The following ADGRL3 variants were observed in gnomAD, a reference collection of about 807,000 sequenced individuals.
The protein encoded by ADGRL3 is calcium-independent alpha-latrotoxin receptor 3.
In ADGRL3, 62 loss-of-function variants were observed where a neutral mutation model predicts 153.5. The ratio of observed to expected loss-of-function variants is 0.40; its 90% CI spans 0.33 to 0.50. The LOEUF (loss-of-function observed/expected upper bound fraction) is 0.50. Among genes scored for constraint, ADGRL3 ranks in the 20% least tolerant of loss-of-function variants. The pLI is 0.47. For synonymous variants in ADGRL3, 710 were observed against 672.5 expected (o/e 1.06, Z -0.86); for missense variants, 1,641 against 1,859.4 (o/e 0.88, Z 2.16).
intron 8 of ADGRL3, among the ~76,000 whole-genome samples, chr4:61,798,196 G>A (rs138353422): frequency 1.2e-3 from 175 of 152,170 alleles, no homozygotes; most frequent in African/African-American, 4.2e-3. Context: ...TAATAAAATA[G>A]CAAGGGGTAA....
chr4:61,464,523 C>G (rs1044471463), intron 2 of ADGRL3, among the ~76,000 whole-genome samples: 17 of 152,052 alleles, frequency 1.1e-4, no homozygotes, highest in Non-Finnish European at 1.8e-4. Context: ...CCAGAAATCT[C>G]TTGCATTTAA....
At chr4:61,571,734 C>T (rs189955448) in intron 4 of ADGRL3, among the ~76,000 whole-genome samples, 1 of 152,174 alleles carries the variant, frequency 6.6e-6, no homozygotes, top group Non-Finnish European at 1.5e-5. Flanking sequence ...AGAACATTGA[C>T]TAATCATTTA....
intron 1 of ADGRL3, among the ~76,000 whole-genome samples, chr4:61,377,376 C>T (rs946003975): frequency 2.0e-5 from 3 of 152,018 alleles, no homozygotes; most frequent in Non-Finnish European, 4.4e-5. Context: ...AATATATTGA[C>T]TAAGGTTTGA....
intron 3 of ADGRL3, among the ~76,000 whole-genome samples, chr4:61,516,955 A>G (rs182016602): frequency 6.6e-6 from 1 of 152,226 alleles, no homozygotes; most frequent in African/African-American, 2.4e-5. Context: ...AGTGCCCTTA[A>G]TTTACATTAG....
intron 12 of ADGRL3, among the ~76,000 whole-genome samples, chr4:61,911,418 G>A (rs2098721224): frequency 6.6e-6 from 1 of 152,106 alleles, no homozygotes; most frequent in African/African-American, 2.4e-5. Context: ...CTTTTCAGTT[G>A]TTTATATAAT....
chr4:61,336,527 G>C (rs2095678155), intron 1 of ADGRL3, among the ~76,000 whole-genome samples: 1 of 152,142 alleles, frequency 6.6e-6, no homozygotes, highest in African/African-American at 2.4e-5. Context: ...CTAAAAAGCA[G>C]TCAAGAGCAT....
chr4:61,923,426 ACT>A (rs1042142541), intron 13 of ADGRL3, among the ~76,000 whole-genome samples: 7 of 151,792 alleles, frequency 4.6e-5, no homozygotes, highest in Admixed American at 4.6e-4. Context: ...CCTGTCCCTT[ACT>A]CTCTTTTGCC....
chr4:62,058,719 G>A (rs1738431814), intron 25 of ADGRL3, among the ~76,000 whole-genome samples: 1 of 152,124 alleles, frequency 6.6e-6, no homozygotes, highest in African/African-American at 2.4e-5. Flanking sequence ...GTGACAGATG[G>A]TCTGTAAACA....
At chr4:61,905,560 A>C (rs6551670) in intron 11 of ADGRL3, among the ~76,000 whole-genome samples, 100,823 of 151,866 alleles carry the variant, frequency 0.66, 33,867 homozygotes, top group Non-Finnish European at 0.72. Context: ...TATTTTACAA[A>C]TTTATTATAC....
At chr4:61,606,505 T>C (rs1457146414) in intron 5 of ADGRL3, among the ~76,000 whole-genome samples, 1 of 152,202 alleles carries the variant, frequency 6.6e-6, no homozygotes, top group Non-Finnish European at 1.5e-5. Context: ...TGTCCTTACT[T>C]GGCCTTTTCT....
At chr4:61,505,634 A>G (rs1033226055) in intron 3 of ADGRL3, among the ~76,000 whole-genome samples, 15 of 151,990 alleles carry the variant, frequency 9.9e-5, no homozygotes, top group Non-Finnish European at 1.9e-4. Context: ...ATATTTTTAT[A>G]TCTTTGTTCA....
chr4:61,566,439 A>G (rs574098370), intron 4 of ADGRL3, among the ~76,000 whole-genome samples: 1 of 152,266 alleles, frequency 6.6e-6, no homozygotes, highest in African/African-American at 2.4e-5. Context: ...AGAAACTTGG[A>G]GGGAGTGGGT....
At chr4:61,234,329 A>G (rs1751962230) in intron 1 of ADGRL3, among the ~76,000 whole-genome samples, 3 of 152,262 alleles carry the variant, frequency 2.0e-5, no homozygotes, top group South Asian at 2.1e-4. Flanking sequence ...TGATAAACCC[A>G]TCCGGTCTCG....
intron 2 of ADGRL3, among the ~76,000 whole-genome samples, chr4:61,422,882 G>A (rs1029554222): frequency 6.6e-6 from 1 of 151,874 alleles, no homozygotes; most frequent in Admixed American, 6.6e-5. Flanking sequence ...TAAATGGTGG[G>A]TTGCTATCTT....
chr4:61,879,627 C>T (rs939663852), intron 9 of ADGRL3, among the ~76,000 whole-genome samples: 44 of 152,072 alleles, frequency 2.9e-4, no homozygotes, highest in African/African-American at 8.9e-4. Context: ...TTCACATGCA[C>T]TTGTGGAAAG....
intron 4 of ADGRL3, among the ~76,000 whole-genome samples, chr4:61,581,212 A>G (rs1024637241): frequency 1.3e-5 from 2 of 151,982 alleles, no homozygotes; most frequent in Admixed American, 6.6e-5. Flanking sequence ...AGTTACTGGG[A>G]AAACTCCCTT....
chr4:61,241,365 T>C (rs1011593724), intron 1 of ADGRL3, among the ~76,000 whole-genome samples: 1 of 152,036 alleles, frequency 6.6e-6, no homozygotes, highest in African/African-American at 2.4e-5. Context: ...TCTTGAATGA[T>C]AGCCATAGGA....
intron 6 of ADGRL3, among the ~76,000 whole-genome samples, chr4:61,698,183 G>A (rs957803793): frequency 9.2e-5 from 14 of 152,122 alleles, no homozygotes; most frequent in African/African-American, 3.1e-4. Flanking sequence ...CGGGCGTGGT[G>A]GCTCATGCCT....
chr4:61,751,864 AGAAAG>A (rs1027733942), intron 8 of ADGRL3, among the ~76,000 whole-genome samples: 1 of 152,214 alleles, frequency 6.6e-6, no homozygotes, highest in Non-Finnish European at 1.5e-5. Flanking sequence ...AGTAGAATGA[AGAAAG>A]GAAAGGAGAA....
Sources: allele counts gnomAD v4.1 joint callset (sites outside exome capture counted in the v4.1 genomes callset), GRCh38; gene constraint gnomAD v4.1.1; transcripts MANE v1.5; gene names NCBI Gene and HGNC (gene_info 2026-07-23, HGNC 2026-07-21).